Variants in MAP3K7CL observed in about 807,000 individuals in gnomAD.
MAP3K7CL encodes the protein MAP3K7 C-terminal-like protein.
A neutral mutation model predicts 18.6 loss-of-function variants in MAP3K7CL; 16 were observed. The ratio of observed to expected loss-of-function variants is 0.86; its 90% CI spans 0.58 to 1.31. The LOEUF (loss-of-function observed/expected upper bound fraction) is 1.31, where lower values mean the gene tolerates loss of function less well. MAP3K7CL is among the 50% of genes most tolerant of loss of function. The pLI is 0.00. For missense variants in MAP3K7CL, 163 were observed against 174.4 expected (o/e 0.93, Z 0.37); for synonymous variants, 65 against 66.8 (o/e 0.97, Z 0.13).
At chr21:29,079,077 C>T (rs1018365832) in intron 1 of MAP3K7CL, among the ~76,000 whole-genome samples, 1 of 152,154 alleles carries the variant, frequency 6.6e-6, no homozygotes, top group Non-Finnish European at 1.5e-5. Context: ...TAATGCAGCT[C>T]GGTGGTTTTG....
At chr21:29,159,832 A>C (rs1169433224) in intron 3 of MAP3K7CL, 109 bp from the exon 4 acceptor site, 1 of 780,850 alleles carries the variant, frequency 1.3e-6, no homozygotes, top group Non-Finnish European at 2.1e-6. Context: ...CGTTAAAAAA[A>C]AAAAAGAAGA....
chr21:29,077,439 C>T (rs2085767231), upstream of MAP3K7CL: 1 of 153,260 alleles, frequency 6.5e-6, no homozygotes, highest in African/African-American at 2.4e-5. Flanking sequence ...CCCACGCCCA[C>T]CCGGAACTCA....
intron 1 of MAP3K7CL, among the ~76,000 whole-genome samples, chr21:29,087,903 T>G (rs1038468031): frequency 2.6e-5 from 4 of 152,174 alleles, no homozygotes; most frequent in African/African-American, 7.2e-5. Flanking sequence ...GTGCTCATTT[T>G]CTTAATGATC....
At chr21:29,116,230 C>A (rs937811379) in intron 4 of MAP3K7CL, among the ~76,000 whole-genome samples, 5 of 152,192 alleles carry the variant, frequency 3.3e-5, no homozygotes, top group Non-Finnish European at 7.3e-5. Flanking sequence ...TGTCACTGAA[C>A]AAGCCATGAG....
chr21:29,096,677 T>C (rs1275236117), intron 4 of MAP3K7CL, among the ~76,000 whole-genome samples: 1 of 152,152 alleles, frequency 6.6e-6, no homozygotes, highest in East Asian at 1.9e-4. Flanking sequence ...CACATTTGAT[T>C]ACAGGTGCCA....
chr21:29,147,100 TTATTA>T (rs1186550835), intron 2 of MAP3K7CL, among the ~76,000 whole-genome samples: 4 of 152,186 alleles, frequency 2.6e-5, no homozygotes, highest in Non-Finnish European at 5.9e-5. Flanking sequence ...TTTTCTTGCT[TTATTA>T]TAATTTAAAA....
intron 4 of MAP3K7CL, among the ~76,000 whole-genome samples, chr21:29,119,210 A>G (rs570744018): frequency 6.6e-6 from 1 of 152,346 alleles, no homozygotes; most frequent in East Asian, 1.9e-4. Context: ...GTGTAAATGT[A>G]TTCACAGCTG....
intron 1 of MAP3K7CL, chr21:29,091,439 A>C: frequency 1.6e-6 from 1 of 622,732 alleles, no homozygotes. Flanking sequence ...AAAGTCCTTC[A>C]ATTTTATTTT....
rs77368132 is a variant in MAP3K7CL, at chr21:29,116,050, G to A, written c.370+23469G>A. On this transcript the variant is annotated intron_variant, in intron 4 of 6. Transcript: ENST00000286791. ...ATAGTTTACTTATGTATACTCTAGT[G>A]GTTTCTTCCGTGAAGCTCTTTCATT... Among the ~76,000 whole-genome samples, 1,049 of 152,264 alleles carry A rather than the reference G, an allele frequency of 6.9e-3. 8 individuals carry two copies. Among genetic ancestry groups the A allele is most frequent in the African/African-American group, 0.024 (985 of 41,546 alleles).
chr21:29,139,742 G>A (rs547640445), intron 2 of MAP3K7CL, among the ~76,000 whole-genome samples: 1 of 152,060 alleles, frequency 6.6e-6, no homozygotes, highest in South Asian at 2.1e-4. Context: ...GCGCCACCAA[G>A]CCCAGCTAAT....
At chr21:29,107,114 A>C (rs1216384151) in intron 4 of MAP3K7CL, among the ~76,000 whole-genome samples, 1 of 152,094 alleles carries the variant, frequency 6.6e-6, no homozygotes, top group East Asian at 1.9e-4. Flanking sequence ...TCAGGAGTTC[A>C]AGACCAACCT....
chr21:29,103,669 A>G (rs2086271603), intron 4 of MAP3K7CL, among the ~76,000 whole-genome samples: 1 of 151,744 alleles, frequency 6.6e-6, no homozygotes, highest in Admixed American at 6.6e-5. Context: ...TGGGAGGTGG[A>G]GGTTGCAGTG....
At chr21:29,171,821 A>C (rs923950966) in intron 4 of MAP3K7CL, among the ~76,000 whole-genome samples, 1 of 151,540 alleles carries the variant, frequency 6.6e-6, no homozygotes, top group African/African-American at 2.4e-5. Flanking sequence ...AAAAAAAAAA[A>C]AAAAAAAACA....
chr21:29,157,651 A>T (rs1433420618), intron 3 of MAP3K7CL, among the ~76,000 whole-genome samples: 1 of 152,208 alleles, frequency 6.6e-6, no homozygotes, highest in African/African-American at 2.4e-5. Flanking sequence ...ACTACCTATC[A>T]TCACATATGC....
At chr21:29,094,072 C>G (rs1423141909) in intron 4 of MAP3K7CL, among the ~76,000 whole-genome samples, 1 of 152,184 alleles carries the variant, frequency 6.6e-6, no homozygotes, top group Non-Finnish European at 1.5e-5. Flanking sequence ...CAATCTAGGT[C>G]ATAGTAATTA....
chr21:29,160,060 A>G lies in MAP3K7CL; in HGVS notation c.248+4A>G, dbSNP rs760537092. On this transcript the variant is annotated splice_donor_region_variant and intron_variant, in intron 4 of 4. Transcript: ENST00000399928. ...TCACCCTGCTTGAGCAAAGGAAGTA[A>G]GTACCTACCCCCCTCACTCTACATC... is the stretch of plus-strand genomic sequence containing the variant. The G allele has an allele frequency of 6.2e-7, 1 of 1,608,026 alleles. No individual in the cohort carries two copies. The highest frequency in any genetic ancestry group is 8.5e-7 in the Non-Finnish European group (1 of 1,174,624).
chr21:29,096,779 A>G (rs1324741651), intron 4 of MAP3K7CL, among the ~76,000 whole-genome samples: 1 of 152,172 alleles, frequency 6.6e-6, no homozygotes, highest in African/African-American at 2.4e-5. Context: ...TCAGGCAGAG[A>G]AATGAAATCA....
upstream of MAP3K7CL, among the ~76,000 whole-genome samples, chr21:29,083,740 T>C (rs138939539): frequency 5.2e-3 from 787 of 152,154 alleles, 7 homozygotes; most frequent in African/African-American, 0.018. Flanking sequence ...TTGTTCTTTC[T>C]TTTTTGCTCA....
At chr21:29,120,674 C>T (rs200550563) in intron 4 of MAP3K7CL, among the ~76,000 whole-genome samples, 1 of 42,782 alleles carries the variant, frequency 2.3e-5, no homozygotes, top group Non-Finnish European at 6.2e-5. Context: ...CTTTCTTTTT[C>T]TTTCTTTCTT....
Sources: gnomAD v4.1 joint callset for allele counts (sites outside exome capture counted in the v4.1 genomes callset) on GRCh38, gnomAD v4.1.1 for gene constraint, MANE v1.5 for transcripts, NCBI Gene and HGNC (gene_info 2026-07-23, HGNC 2026-07-21) for gene names.